The following DNAJA3 variants were observed in gnomAD, a reference collection of about 807,000 sequenced individuals.
The protein encoded by DNAJA3 is dnaJ homolog subfamily A member 3, mitochondrial.
Under a neutral mutation model 54.9 loss-of-function variants are expected in DNAJA3, and 29 were observed. That is an observed-to-expected ratio of 0.53 (90% CI 0.39 to 0.72). The LOEUF (loss-of-function observed/expected upper bound fraction) is 0.72. Among genes scored for constraint, DNAJA3 ranks in the 30% least tolerant of loss-of-function variants. The pLI is 0.00. For missense variants in DNAJA3, 708 were observed against 639.4 expected (o/e 1.11, Z -1.16); for synonymous variants, 302 against 251.4 (o/e 1.20, Z -1.90).
chr16:4,426,468 A>G (rs1019151050), intron 1 of DNAJA3, among the ~76,000 whole-genome samples: 1 of 152,236 alleles, frequency 6.6e-6, no homozygotes, highest in African/African-American at 2.4e-5. Flanking sequence ...CTTTGTTACA[A>G]CAACCCTGCA....
At position 4,445,242 on chromosome 16, in the gene DNAJA3, T is replaced by C. The variant is rs565523106; in HGVS notation, c.996+514T>C. On this transcript the variant is annotated intron_variant, in intron 7 of 11. Transcript: ENST00000262375. The stretch of plus-strand genomic sequence containing the variant: ...ACACTGCCTTCCTCCAACAAGAGAA[T>C]GGCTCAGTGAGCCGTGGTGGTCAGA... Among the ~76,000 whole-genome samples the C allele has an allele frequency of 8.5e-5, 13 of 152,308 alleles. No homozygotes were observed. The South Asian group carries it at 2.7e-3, about 32-fold the overall frequency.
At chr16:4,433,209 A>G (rs1567324078) in intron 1 of DNAJA3, 1 of 152,230 alleles carries the variant, frequency 6.6e-6, no homozygotes, top group Non-Finnish European at 1.5e-5. Flanking sequence ...TTTCTTAAGC[A>G]GTTGGTGTCT....
chr16:4,428,463 C>G (rs894896206), intron 1 of DNAJA3, among the ~76,000 whole-genome samples: 2 of 152,174 alleles, frequency 1.3e-5, no homozygotes, highest in African/African-American at 4.8e-5. Flanking sequence ...CTGGCTGCAT[C>G]TTTTCATTCA....
intron 3 of DNAJA3, among the ~76,000 whole-genome samples, chr16:4,437,879 T>C (rs2056790754): frequency 6.7e-6 from 1 of 150,092 alleles, no homozygotes; most frequent in South Asian, 2.1e-4. Flanking sequence ...CTTGAGGGGC[T>C]CAAAGCTGCA....
Position 4,425,877 on chromosome 16 carries a change from C to G in DNAJA3, c.-5C>G. On this transcript the variant is annotated 5_prime_UTR_variant, in exon 1 of 12. Coordinates refer to ENST00000262375, the MANE Select transcript of DNAJA3 (RefSeq NM_005147.6). ...GCGGCGCAGGCGCAGAGTCCCCGGG[C>G]CAAGATGGCTGCGCGGTGCTCCACA... The G allele has an allele frequency of 6.5e-7, 1 of 1,527,866 alleles. No homozygotes were observed. Among genetic ancestry groups the G allele is most frequent in the Non-Finnish European group, 8.8e-7 (1 of 1,140,402 alleles). The allele number at this position is 1,527,866 out of a possible 1,614,324, so 94.6% of individuals were successfully genotyped here.
At chr16:4,437,232 A>G (rs2056782258) in intron 2 of DNAJA3, among the ~76,000 whole-genome samples, 170 bp from the exon 3 acceptor site, 1 of 152,056 alleles carries the variant, frequency 6.6e-6, no homozygotes, top group Non-Finnish European at 1.5e-5. Flanking sequence ...TCACTTCCCA[A>G]AGTGTTGGGA....
At chr16:4,454,664 G>A in intron 10 of DNAJA3, 147 bp from the exon 11 acceptor site, 2 of 614,540 alleles carry the variant, frequency 3.3e-6, no homozygotes, top group Admixed American at 5.8e-5. Context: ...TGCCATCTTA[G>A]GAGTGGCCCC....
chr16:4,454,187 G>A (rs1418051640), intron 10 of DNAJA3, among the ~76,000 whole-genome samples: 5 of 152,210 alleles, frequency 3.3e-5, no homozygotes, highest in African/African-American at 1.2e-4. Flanking sequence ...GCGTGGCCGT[G>A]ACTCCCACAT....
chr16:4,445,925 TC>T (rs67108395), intron 7 of DNAJA3, among the ~76,000 whole-genome samples: 10,681 of 150,158 alleles, frequency 0.071, 567 homozygotes, highest in South Asian at 0.21. Flanking sequence ...CCCTTTTTTT[TC>T]TTTTTTTTTT....
In DNAJA3 at chr16:4,442,270, C is replaced by T. The variant is rs755520110; in HGVS notation, c.633C>T (p.Tyr211=). 1.3e-6 allele frequency: 2 copies of T among 1,588,046 alleles called. No homozygotes were observed. Among genetic ancestry groups the T allele is most frequent in the Admixed American group, 3.5e-5 (2 of 56,602 alleles). ...AGGCTGTCCCTTGGTTTCTTTAGTACTTCATGGAGTTGACATTCAATCAAG... is the reference window on the plus strand; with the variant it reads ...AGGCTGTCCCTTGGTTTCTTTAGTATTTCATGGAGTTGACATTCAATCAAG... ...FQTVFDQPQE[Y]FMELTFNQAA... is the part of the protein sequence containing the mutation. The change falls in exon 5 of 12, where the codon TAC becomes TAT. Residue 211 remains tyrosine, a splice_region_variant and synonymous_variant. Transcript: ENST00000262375.
Position 4,426,214 on chromosome 16 carries a change from A to G in DNAJA3, c.211+122A>G, listed in dbSNP as rs1271460999. ...GGGTGTCTTCCGACGCGGATGCACA[A>G]TTGCCGGAGACACAGACAGGCAGGA... On this transcript the variant is annotated intron_variant, in intron 1 of 11. Transcript: ENST00000262375. The G allele has an allele frequency of 1.1e-4, 125 of 1,103,900 alleles. 2 individuals are homozygous for G. In the East Asian group the frequency reaches 3.9e-3, roughly 35 times the overall value. The allele number at this position is 1,103,900 out of a possible 1,614,324, so 68.4% of individuals were successfully genotyped here. A position where few individuals can be genotyped will look rare whatever the true frequency, so the allele number is the denominator to read the frequency against.
chr16:4,452,525 G>T (rs1412442373), intron 10 of DNAJA3, among the ~76,000 whole-genome samples: 1 of 152,048 alleles, frequency 6.6e-6, no homozygotes, highest in African/African-American at 2.4e-5. Flanking sequence ...ATGGTTACTT[G>T]TCCTGATCAC....
chr16:4,433,486 G>A (rs929298706), intron 1 of DNAJA3: 1 of 152,198 alleles, frequency 6.6e-6, no homozygotes, highest in South Asian at 2.1e-4. Flanking sequence ...TCTAGTGGGT[G>A]GAGACCTCCT....
intron 8 of DNAJA3, 106 bp downstream of exon 8, chr16:4,447,120 T>TC: frequency 7.3e-7 from 1 of 1,370,898 alleles, no homozygotes; most frequent in Non-Finnish European, 9.9e-7. Flanking sequence ...GACCAGCATG[T>TC]GGGGGGGCAC....
intron 7 of DNAJA3, among the ~76,000 whole-genome samples, chr16:4,445,158 C>T (rs969326075): frequency 3.3e-5 from 5 of 152,196 alleles, no homozygotes; most frequent in African/African-American, 1.2e-4. Context: ...AAAACCCACA[C>T]AAGCCTAGCA....
intron 1 of DNAJA3, among the ~76,000 whole-genome samples, chr16:4,431,321 C>T (rs2056697654): frequency 6.6e-6 from 1 of 152,206 alleles, no homozygotes; most frequent in Non-Finnish European, 1.5e-5. Flanking sequence ...AGTGTTTTCT[C>T]AAGTCTGACT....
chr16:4,433,107 A>C (rs1346669832), intron 1 of DNAJA3: 1 of 152,184 alleles, frequency 6.6e-6, no homozygotes, highest in Non-Finnish European at 1.5e-5. Flanking sequence ...GCGCCACTGC[A>C]CTCCAGCCTG....
chr16:4,437,413 G>T lies in DNAJA3; in HGVS notation c.357G>T (p.Lys119Asn). 1 of 1,614,070 alleles carries T rather than the reference G, an allele frequency of 6.2e-7. No individual in the cohort carries two copies. Among genetic ancestry groups the T allele is most frequent in the South Asian group, 1.1e-5 (1 of 91,086 alleles). Residue 119 changes from lysine to asparagine, a missense_variant, in exon 3 of 12, where the codon AAG (lysine) becomes AAT (asparagine). Transcript: ENST00000262375. ...TGTTTTTCCCTTAGCTTGCCAAGAA[G>T]TATCACCCTGACACAAATAAGGATG... ...IKKAYYQLAK[K>N]YHPDTNKDDP...
chr16:4,428,324 C>G (rs2056650517), intron 1 of DNAJA3, among the ~76,000 whole-genome samples: 2 of 152,152 alleles, frequency 1.3e-5, no homozygotes, highest in Admixed American at 1.3e-4. Flanking sequence ...TGGCTCACTT[C>G]AGCCTCCCAA....
Sources: gnomAD v4.1 joint callset for allele counts (sites outside exome capture counted in the v4.1 genomes callset) on GRCh38, gnomAD v4.1.1 for gene constraint, MANE v1.5 for transcripts, NCBI Gene and HGNC (gene_info 2026-07-23, HGNC 2026-07-21) for gene names.